Variants in FBXL17 observed in about 807,000 individuals in gnomAD.
FBXL17 encodes F-box/LRR-repeat protein 17.
FBXL17 carries 22 observed loss-of-function variants against 66.2 expected under a neutral mutation model. That is an observed-to-expected ratio of 0.33 (90% confidence interval 0.24 to 0.47). FBXL17 has a LOEUF of 0.47. Ranked by LOEUF, FBXL17 falls within the 20% of genes least tolerant of loss-of-function variation. The pLI is 1.00. For synonymous variants in FBXL17, 474 were observed against 400.5 expected (o/e 1.18, Z -2.19); for missense variants, 878 against 948.2 (o/e 0.93, Z 0.97).
At chr5:108,369,782 C>T (rs1748908826) in intron 1 of FBXL17, among the ~76,000 whole-genome samples, 1 of 151,680 alleles carries the variant, frequency 6.6e-6, no homozygotes, top group East Asian at 1.9e-4. Flanking sequence ...CAGAATTGAA[C>T]CAATTCTAAG....
At chr5:108,353,517 T>C (rs1430821955) in intron 3 of FBXL17, among the ~76,000 whole-genome samples, 2 of 152,170 alleles carry the variant, frequency 1.3e-5, no homozygotes, top group Non-Finnish European at 2.9e-5. Context: ...ACCTCATGCA[T>C]ACAGCAATGA....
chr5:108,232,804 T>TATATAA lies in FBXL17; in HGVS notation c.1507-8577_1507-8576insTTATAT, dbSNP rs1252750270. On this transcript the variant is annotated intron_variant, in intron 4 of 8. Transcript: ENST00000542267. ...TCACATATATATATATATATATATA[T>TATATAA]AATATATACTATTAGTTCTGTCCCT... Among the ~76,000 whole-genome samples, 11 of 112,038 alleles carry TATATAA rather than the reference T, an allele frequency of 9.8e-5. 3 individuals are homozygous for TATATAA. Among genetic ancestry groups the TATATAA allele is most frequent in the African/African-American group, 3.5e-4 (9 of 25,444 alleles). 73.5% of individuals were successfully genotyped at this position (112,038 alleles called of 152,430 possible). A position where few individuals can be genotyped will look rare whatever the true frequency, so the allele number is the denominator to read the frequency against.
At chr5:108,181,880 G>A (rs1753017651) in intron 6 of FBXL17, among the ~76,000 whole-genome samples, 1 of 152,030 alleles carries the variant, frequency 6.6e-6, no homozygotes, top group Non-Finnish European at 1.5e-5. Flanking sequence ...ACTTTTTCTT[G>A]TTTAGAGTTT....
intron 4 of FBXL17, among the ~76,000 whole-genome samples, chr5:108,322,073 A>G (rs565494601): frequency 7.9e-5 from 12 of 152,040 alleles, no homozygotes; most frequent in African/African-American, 2.9e-4. Flanking sequence ...TGTGGGAAAC[A>G]AGCACTCTCA....
chr5:108,102,316 A>C (rs1484094518), intron 6 of FBXL17, among the ~76,000 whole-genome samples: 4 of 152,140 alleles, frequency 2.6e-5, no homozygotes, highest in Admixed American at 6.5e-5. Context: ...ACTTATTACA[A>C]ATTTTAATTT....
chr5:108,004,433 GAAATA>G (rs1310721335), intron 7 of FBXL17, among the ~76,000 whole-genome samples: 7 of 152,072 alleles, frequency 4.6e-5, no homozygotes, highest in African/African-American at 1.7e-4. Flanking sequence ...TTACATGATA[GAAATA>G]AAATAATATT....
chr5:108,186,141 C>G lies in FBXL17; in HGVS notation c.1721G>C (p.Cys574Ser), dbSNP rs1561453356. 1 of 1,612,260 alleles carries G rather than the reference C, an allele frequency of 6.2e-7. No individual in the cohort carries two copies. The highest frequency in any genetic ancestry group is 8.5e-7 in the Non-Finnish European group (1 of 1,178,546). Reference sequence around the variant, plus strand: ...CCTGTCATTTATGATCCAGTTCAGACAGAGATTGAGAGAGCTAAGATTTTT... The same window carrying G: ...CCTGTCATTTATGATCCAGTTCAGAGAGAGATTGAGAGAGCTAAGATTTTT... ...RCKNLSSLNL[C>S]LNWIINDRCV... Residue 574 changes from cysteine to serine, a missense_variant, in exon 6 of 9, where the codon TGT becomes TCT. This residue lies in a region of FBXL17 where 236 missense variants were observed against 389.1 expected (regional missense o/e 0.61). Transcript: ENST00000542267.
chr5:108,102,250 T>G (rs1373324652), intron 6 of FBXL17, among the ~76,000 whole-genome samples: 2 of 152,226 alleles, frequency 1.3e-5, no homozygotes, highest in African/African-American at 4.8e-5. Context: ...AGCACTATTT[T>G]TAAATGCTAA....
chr5:108,037,028 T>C (rs1419049086), intron 6 of FBXL17, among the ~76,000 whole-genome samples: 3 of 152,110 alleles, frequency 2.0e-5, no homozygotes, highest in African/African-American at 4.8e-5. Flanking sequence ...AAAGGCTGCA[T>C]ATGTAGATCC....
intron 6 of FBXL17, among the ~76,000 whole-genome samples, chr5:108,178,259 G>T (rs963472258): frequency 8.6e-5 from 13 of 151,972 alleles, no homozygotes; most frequent in African/African-American, 3.1e-4. Context: ...TGTTGCCCAG[G>T]CTGGTCTTGA....
intron 5 of FBXL17, among the ~76,000 whole-genome samples, chr5:108,195,593 G>A (rs1257531593): frequency 6.6e-6 from 1 of 152,166 alleles, no homozygotes; most frequent in African/African-American, 2.4e-5. Flanking sequence ...TTTTGAACAG[G>A]AGTGTACTAT....
rs116159032 is a variant in FBXL17 at position 108,192,923 on chromosome 5, G to A, written c.1615-6676C>T. Among the ~76,000 whole-genome samples the A allele has an allele frequency of 6.6e-3, 1,002 of 152,254 alleles. 9 individuals carry two copies. The highest frequency in any genetic ancestry group is 0.023 in the African/African-American group (949 of 41,540). ...GACTGACTGAAGTGGATGAATTAAC[G>A]AAAGAGGACTCACATTACCTTAGCA... On this transcript the variant is annotated intron_variant, in intron 5 of 8. Coordinates refer to ENST00000542267, the MANE Select transcript of FBXL17 (RefSeq NM_001163315.3).
chr5:107,974,555 A>G (rs1331813513), intron 7 of FBXL17, among the ~76,000 whole-genome samples: 1 of 152,190 alleles, frequency 6.6e-6, no homozygotes. Flanking sequence ...CAAAGGATCT[A>G]AATAACACAC....
intron 6 of FBXL17, among the ~76,000 whole-genome samples, chr5:108,030,818 T>C (rs1026577788): frequency 2.0e-5 from 3 of 152,138 alleles, no homozygotes; most frequent in African/African-American, 4.8e-5. Context: ...TTGAAAGAGA[T>C]GGCAGGTAAA....
chr5:108,206,831 T>C (rs1016545885), intron 5 of FBXL17, among the ~76,000 whole-genome samples: 7 of 152,266 alleles, frequency 4.6e-5, no homozygotes, highest in South Asian at 2.1e-4. Context: ...GCTATATGGA[T>C]CCATGTCTTT....
rs190758592 is a variant in FBXL17, at chr5:108,359,033, A to C, written c.1374+5705T>G. 3.6e-3 allele frequency among the ~76,000 whole-genome samples: 549 copies of C among 152,044 alleles called. 3 individuals are homozygous for C. Among genetic ancestry groups the C allele is most frequent in the African/African-American group, 0.013 (521 of 41,486 alleles). Reference sequence around the variant, plus strand: ...ACTCAGAATTTCTACTTCTTGGGTCAGTTTTTCTGGTTTCTGTATTTCTAG... The same window carrying C: ...ACTCAGAATTTCTACTTCTTGGGTCCGTTTTTCTGGTTTCTGTATTTCTAG... On this transcript the variant is annotated intron_variant, in intron 3 of 8. Transcript: ENST00000542267.
At chr5:108,254,887 TA>T (rs1756508707) in intron 4 of FBXL17, among the ~76,000 whole-genome samples, 1 of 152,200 alleles carries the variant, frequency 6.6e-6, no homozygotes, top group Non-Finnish European at 1.5e-5. Context: ...CCTATCTACA[TA>T]CACACCACTC....
rs1481604000 is a variant in FBXL17 at position 108,012,349 on chromosome 5, C to CT, written c.1822+8575dup. 1.4e-4 allele frequency among the ~76,000 whole-genome samples: 21 copies of CT among 152,268 alleles called. No individual in the cohort carries two copies. In the East Asian group the frequency reaches 3.5e-3, roughly 25 times the overall value. On this transcript the variant is annotated intron_variant, in intron 7 of 8. Transcript: ENST00000542267. Reference sequence around the variant, plus strand: ...ATCTCCCCCTTTCAGCTACAGAACACTTAATCATGGCATGCAACTTACATT... The same window carrying CT: ...ATCTCCCCCTTTCAGCTACAGAACACTTTAATCATGGCATGCAACTTACATT...
intron 4 of FBXL17, among the ~76,000 whole-genome samples, chr5:108,322,103 G>A (rs1042969256): frequency 3.3e-5 from 5 of 151,850 alleles, no homozygotes; most frequent in African/African-American, 1.2e-4. Flanking sequence ...ATATAGGAAT[G>A]CAAAATGGCA....
Sources: gnomAD v4.1 joint callset for allele counts (sites outside exome capture counted in the v4.1 genomes callset) on GRCh38, gnomAD v4.1.1 for gene constraint, gnomAD v4.1.1 regional missense constraint, MANE v1.5 for transcripts, NCBI Gene and HGNC (gene_info 2026-07-23, HGNC 2026-07-21) for gene names.